Variants in GUCY1A2 observed in about 807,000 individuals in gnomAD.
GUCY1A2 encodes the protein guanylate cyclase soluble subunit alpha-2.
Under a neutral mutation model 63.5 loss-of-function variants are expected in GUCY1A2, and 27 were observed. The ratio of observed to expected loss-of-function variants is 0.43; its 90% CI spans 0.31 to 0.59. The LOEUF (loss-of-function observed/expected upper bound fraction) is 0.59, where lower values mean the gene tolerates loss of function less well. GUCY1A2 is among the 20% of genes least tolerant of loss of function. The pLI is 0.11. For synonymous variants in GUCY1A2, 364 were observed against 343.5 expected (o/e 1.06, Z -0.66); for missense variants, 768 against 913.3 (o/e 0.84, Z 2.05).
At chr11:106,997,673 A>G (rs1434338468) in intron 1 of GUCY1A2, among the ~76,000 whole-genome samples, 1 of 127,124 alleles carries the variant, frequency 7.9e-6, no homozygotes, top group Non-Finnish European at 1.6e-5. Flanking sequence ...CTTCGTGGCT[A>G]TGCTGAGAAA....
At chr11:106,792,439 G>C (rs1462805594) in intron 5 of GUCY1A2, among the ~76,000 whole-genome samples, 1 of 150,858 alleles carries the variant, frequency 6.6e-6, no homozygotes, top group Non-Finnish European at 1.5e-5. Context: ...CATTATCCCT[G>C]GGTTGCAAGG....
At chr11:106,817,272 G>A (rs1021376379) in intron 4 of GUCY1A2, among the ~76,000 whole-genome samples, 1 of 151,992 alleles carries the variant, frequency 6.6e-6, no homozygotes, top group Non-Finnish European at 1.5e-5. Context: ...ATGTCATCTT[G>A]CCCCCAAGAT....
At chr11:106,933,000 C>T (rs1860623607) in intron 4 of GUCY1A2, among the ~76,000 whole-genome samples, 1 of 151,856 alleles carries the variant, frequency 6.6e-6, no homozygotes, top group Admixed American at 6.6e-5. Flanking sequence ...TGTAAGACCT[C>T]GAACAGTAAG....
chr11:106,947,598 A>C lies in GUCY1A2; in HGVS notation c.488-7420T>G, dbSNP rs186932366. On this transcript the variant is annotated intron_variant, in intron 3 of 7. Coordinates refer to ENST00000526355, the MANE Select transcript of GUCY1A2 (RefSeq NM_000855.3). The stretch of plus-strand genomic sequence containing the variant: ...GTATGTAAAATTACAAAAATTGCTC[A>C]AATACTTGATCATAAAAACCCCATA... Among the ~76,000 whole-genome samples the C allele has an allele frequency of 2.2e-4, 33 of 152,180 alleles. No homozygotes were observed. In the East Asian group the frequency reaches 6.0e-3, roughly 28 times the overall value.
chr11:106,928,737 T>C (rs1860563066), intron 4 of GUCY1A2, among the ~76,000 whole-genome samples: 1 of 152,162 alleles, frequency 6.6e-6, no homozygotes, highest in Admixed American at 6.5e-5. Context: ...ATCTATACAG[T>C]ATGTGACTAT....
At chr11:106,926,941 C>T (rs1366762290) in intron 4 of GUCY1A2, among the ~76,000 whole-genome samples, 2 of 149,354 alleles carry the variant, frequency 1.3e-5, no homozygotes, top group Non-Finnish European at 3.0e-5. Context: ...CACTAAATAA[C>T]AGAAGGGAAT....
intron 4 of GUCY1A2, among the ~76,000 whole-genome samples, chr11:106,818,317 GCT>G (rs2135428713): frequency 6.6e-6 from 1 of 152,152 alleles, no homozygotes; most frequent in South Asian, 2.1e-4. Context: ...AATATTTCAA[GCT>G]CTTTCATTAT....
chr11:106,821,430 T>G (rs1858901743), intron 4 of GUCY1A2, among the ~76,000 whole-genome samples: 1 of 152,196 alleles, frequency 6.6e-6, no homozygotes, highest in Non-Finnish European at 1.5e-5. Context: ...ACTAAAAGTT[T>G]TCCTTGCTTT....
chr11:106,947,985 T>C (rs565079702), intron 3 of GUCY1A2, among the ~76,000 whole-genome samples: 3 of 152,152 alleles, frequency 2.0e-5, no homozygotes, highest in East Asian at 1.9e-4. Context: ...TAAGAATACA[T>C]AGGCACATAT....
At chr11:106,797,207 C>T (rs1338219413) in intron 5 of GUCY1A2, among the ~76,000 whole-genome samples, 3 of 152,144 alleles carry the variant, frequency 2.0e-5, no homozygotes, top group East Asian at 3.9e-4. Context: ...AACTTCTTTG[C>T]GATGTGTTCG....
intron 4 of GUCY1A2, among the ~76,000 whole-genome samples, chr11:106,886,984 T>C (rs1184649723): frequency 6.6e-6 from 1 of 152,102 alleles, no homozygotes; most frequent in Non-Finnish European, 1.5e-5. Flanking sequence ...GAGAGGCATA[T>C]CTCTTTTGCT....
chr11:106,887,826 G>A (rs1859919404), intron 4 of GUCY1A2, among the ~76,000 whole-genome samples: 1 of 152,112 alleles, frequency 6.6e-6, no homozygotes, highest in Non-Finnish European at 1.5e-5. Flanking sequence ...GATATTCAGT[G>A]GTATACACTG....
At chr11:107,005,803 T>TAC (rs566809352) in intron 1 of GUCY1A2, among the ~76,000 whole-genome samples, 2,046 of 152,296 alleles carry the variant, frequency 0.013, 27 homozygotes, top group South Asian at 0.045. Flanking sequence ...ATAAGTATAT[T>TAC]ACCCCTACAG....
intron 6 of GUCY1A2, among the ~76,000 whole-genome samples, chr11:106,754,970 A>C (rs1441105424): frequency 6.6e-6 from 1 of 152,114 alleles, no homozygotes; most frequent in African/African-American, 2.4e-5. Flanking sequence ...TTGGCTGTGA[A>C]TCTGTCTGGT....
intron 4 of GUCY1A2, among the ~76,000 whole-genome samples, chr11:106,897,084 A>T (rs1017509361): frequency 2.0e-5 from 3 of 152,204 alleles, no homozygotes; most frequent in African/African-American, 7.2e-5. Flanking sequence ...TAAAATTAAA[A>T]ATACAATACA....
rs1591359439 is a variant in GUCY1A2 at position 106,999,113 on chromosome 11, A to C, written c.304-12982T>G. 2.6e-5 allele frequency among the ~76,000 whole-genome samples: 4 copies of C among 152,048 alleles called. No homozygotes were observed. The South Asian group carries it at 6.2e-4, about 24-fold the overall frequency. ...TGTTCCTCCAAAAAGGTTACTTTCC[A>C]CTCCTATGCAGGTCCTTACAATCAA... On this transcript the variant is annotated intron_variant, in intron 1 of 7. Coordinates refer to ENST00000526355, the MANE Select transcript of GUCY1A2 (RefSeq NM_000855.3).
intron 3 of GUCY1A2, among the ~76,000 whole-genome samples, chr11:106,945,817 A>G (rs1399553752): frequency 6.6e-6 from 1 of 152,200 alleles, no homozygotes; most frequent in African/African-American, 2.4e-5. Context: ...ATACAAAATT[A>G]TCTGGGCATG....
chr11:106,954,105 T>TA (rs1321330913), intron 3 of GUCY1A2, among the ~76,000 whole-genome samples: 1 of 152,156 alleles, frequency 6.6e-6, no homozygotes, highest in Non-Finnish European at 1.5e-5. Flanking sequence ...ATTGTGATGT[T>TA]AGGGTGTCAA....
chr11:106,715,542 CCTACTTCAT>C (rs1424626618), intron 6 of GUCY1A2, among the ~76,000 whole-genome samples: 2 of 152,130 alleles, frequency 1.3e-5, no homozygotes, highest in African/African-American at 4.8e-5. Flanking sequence ...TCTGGTTTTA[CCTACTTCAT>C]CTACACAGAA....
Sources: allele counts gnomAD v4.1 joint callset (sites outside exome capture counted in the v4.1 genomes callset), GRCh38; gene constraint gnomAD v4.1.1; transcripts MANE v1.5; gene names NCBI Gene and HGNC (gene_info 2026-07-23, HGNC 2026-07-21).